The following ITGA8 variants were observed in gnomAD, a reference collection of about 807,000 sequenced individuals.
The protein encoded by ITGA8 is integrin subunit alpha 8.
Under a neutral mutation model 142.3 loss-of-function variants are expected in ITGA8, and 91 were observed. The observed-to-expected ratio is 0.64, with a 90% CI of 0.54 to 0.76. ITGA8 has a LOEUF of 0.76. ITGA8 is among the 30% of genes least tolerant of loss of function. ITGA8 has a pLI of 0.00. For missense variants in ITGA8, 1,406 were observed against 1,327.7 expected (o/e 1.06, Z -0.92); for synonymous variants, 505 against 485.2 (o/e 1.04, Z -0.54).
chr10:15,534,891 G>A (rs79571172), intron 27 of ITGA8, among the ~76,000 whole-genome samples: 2 of 152,200 alleles, frequency 1.3e-5, no homozygotes, highest in African/African-American at 2.4e-5. Flanking sequence ...CCTTCAGCCC[G>A]CGGCTGCACT....
chr10:15,667,266 A>G (rs1802127213), intron 8 of ITGA8, among the ~76,000 whole-genome samples: 1 of 151,992 alleles, frequency 6.6e-6, no homozygotes, highest in Non-Finnish European at 1.5e-5. Flanking sequence ...TGTGTTGAGG[A>G]ATTTATCCAT....
intron 28 of ITGA8, among the ~76,000 whole-genome samples, chr10:15,520,017 C>A (rs899610608): frequency 6.6e-6 from 1 of 152,168 alleles, no homozygotes; most frequent in Non-Finnish European, 1.5e-5. Flanking sequence ...AAGGATATCC[C>A]AGAGCATGAG....
At chr10:15,549,432 C>G (rs949635539) in intron 26 of ITGA8, among the ~76,000 whole-genome samples, 1 of 151,862 alleles carries the variant, frequency 6.6e-6, no homozygotes, top group Non-Finnish European at 1.5e-5. Context: ...GCTGGTCTCG[C>G]ACTCCTGACC....
intron 13 of ITGA8, among the ~76,000 whole-genome samples, chr10:15,641,065 T>C (rs368879330): frequency 6.6e-6 from 1 of 152,218 alleles, no homozygotes; most frequent in African/African-American, 2.4e-5. Flanking sequence ...AAAAGAGTCT[T>C]TTTTCTGAGA....
chr10:15,698,593 T>A (rs962752112), intron 2 of ITGA8, among the ~76,000 whole-genome samples: 16 of 152,232 alleles, frequency 1.1e-4, no homozygotes, highest in Admixed American at 8.5e-4. Context: ...AATTTTTTAA[T>A]TATAGCCATT....
chr10:15,613,167 T>C (rs1054833747), intron 15 of ITGA8, among the ~76,000 whole-genome samples: 55 of 147,548 alleles, frequency 3.7e-4, no homozygotes, highest in African/African-American at 1.3e-3. Flanking sequence ...TCTCAATAAA[T>C]AAAAAATAAA....
At chr10:15,655,840 T>C (rs930888989) in intron 10 of ITGA8, among the ~76,000 whole-genome samples, 4 of 152,136 alleles carry the variant, frequency 2.6e-5, no homozygotes, top group Non-Finnish European at 5.9e-5. Flanking sequence ...AATCCCAGCA[T>C]TCTGGGAGGC....
chr10:15,610,206 C>T (rs1203994762), intron 15 of ITGA8, among the ~76,000 whole-genome samples: 1 of 152,114 alleles, frequency 6.6e-6, no homozygotes, highest in Non-Finnish European at 1.5e-5. Flanking sequence ...TCTGTGAAGT[C>T]ATAATTTTTC....
At chr10:15,553,182 G>A (rs573168141) in intron 26 of ITGA8, among the ~76,000 whole-genome samples, 13 of 152,164 alleles carry the variant, frequency 8.5e-5, no homozygotes, top group South Asian at 6.2e-4. Context: ...ACTTGAATCC[G>A]GGAGGCCGAG....
At chr10:15,549,292 C>T (rs1258410677) in intron 26 of ITGA8, among the ~76,000 whole-genome samples, 1 of 145,614 alleles carries the variant, frequency 6.9e-6, no homozygotes, top group East Asian at 2.1e-4. Flanking sequence ...CTCACTGCAA[C>T]CTCTGCTTTC....
chr10:15,520,627 A>C (rs1313299856), intron 28 of ITGA8, among the ~76,000 whole-genome samples: 2 of 152,222 alleles, frequency 1.3e-5, no homozygotes, highest in Non-Finnish European at 2.9e-5. Flanking sequence ...GAGGCAGCAA[A>C]GAAGCTGCAG....
chr10:15,617,399 G>GTTTTTTTTTTTTTTTT (rs11448806), intron 13 of ITGA8, among the ~76,000 whole-genome samples: 1 of 148,006 alleles, frequency 6.8e-6, no homozygotes. Flanking sequence ...CAAACTGTCT[G>GTTTTTTTTTTTTTTTT]TTTTTTTTTT....
chr10:15,574,353 T>C (rs1260647102), intron 24 of ITGA8, among the ~76,000 whole-genome samples: 1 of 152,204 alleles, frequency 6.6e-6, no homozygotes, highest in African/African-American at 2.4e-5. Context: ...TAAAATTATT[T>C]TTATCTATGT....
At chr10:15,627,203 G>T (rs189925468) in intron 13 of ITGA8, among the ~76,000 whole-genome samples, 12 of 152,290 alleles carry the variant, frequency 7.9e-5, no homozygotes, top group African/African-American at 2.6e-4. Context: ...CCCTGGGTGG[G>T]ACCTACTTTC....
chr10:15,547,514 G>A (rs1032845583), intron 27 of ITGA8, among the ~76,000 whole-genome samples: 1 of 152,232 alleles, frequency 6.6e-6, no homozygotes, highest in Non-Finnish European at 1.5e-5. Context: ...AGAGGTTGCA[G>A]TGAGTCAAGA....
chr10:15,594,682 T>C (rs1046408900), intron 21 of ITGA8, among the ~76,000 whole-genome samples: 1 of 152,046 alleles, frequency 6.6e-6, no homozygotes, highest in Non-Finnish European at 1.5e-5. Context: ...CTCCGGAGGC[T>C]GAGGCAGGAG....
At chr10:15,518,662 G>T (rs1833005432) in intron 29 of ITGA8, among the ~76,000 whole-genome samples, 1 of 152,188 alleles carries the variant, frequency 6.6e-6, no homozygotes, top group Non-Finnish European at 1.5e-5. Flanking sequence ...AATTGTTTAG[G>T]TTGGTGGGCC....
chr10:15,573,884 A>G (rs765082040), intron 24 of ITGA8, among the ~76,000 whole-genome samples: 3 of 152,174 alleles, frequency 2.0e-5, no homozygotes, highest in Non-Finnish European at 2.9e-5. Flanking sequence ...TTTAAAAAAA[A>G]AAACAAAAGC....
chr10:15,651,431 A>G (rs770431754), intron 11 of ITGA8, among the ~76,000 whole-genome samples: 2 of 152,166 alleles, frequency 1.3e-5, no homozygotes, highest in Non-Finnish European at 2.9e-5. Flanking sequence ...TGTTAAGTCT[A>G]AATGTTTGCA....
Sources: gnomAD v4.1 joint callset for allele counts (sites outside exome capture counted in the v4.1 genomes callset) on GRCh38, gnomAD v4.1.1 for gene constraint, MANE v1.5 for transcripts, NCBI Gene and HGNC (gene_info 2026-07-23, HGNC 2026-07-21) for gene names.